MYO1D: variants seen among roughly 807,000 people sequenced by gnomAD.
The protein encoded by MYO1D is myosin ID, also known as unconventional myosin-Id.
A neutral mutation model predicts 122.0 loss-of-function variants in MYO1D; 83 were observed. That is an observed-to-expected ratio of 0.68 (90% CI 0.57 to 0.82). The LOEUF is 0.82. MYO1D is among the 40% of genes least tolerant of loss of function. The probability of loss-of-function intolerance (pLI) is 0.00; values close to 1 mark genes in which losing one functional copy is unlikely to be tolerated. For missense variants in MYO1D, 1,157 were observed against 1,269.5 expected (o/e 0.91, Z 1.35); for synonymous variants, 464 against 446.9 (o/e 1.04, Z -0.48).
chr17:32,812,011 T>C (rs1452315665), intron 1 of MYO1D, among the ~76,000 whole-genome samples: 1 of 152,206 alleles, frequency 6.6e-6, no homozygotes, highest in Non-Finnish European at 1.5e-5. Flanking sequence ...CACTTCTTGT[T>C]ATGGGAGAGA....
chr17:32,861,633 T>A lies in MYO1D; in HGVS notation c.95+15145A>T, dbSNP rs529310509. 6.0e-4 allele frequency among the ~76,000 whole-genome samples: 91 copies of A among 152,236 alleles called. 1 individual carries two copies. Among genetic ancestry groups the A allele is most frequent in the African/African-American group, 2.1e-3 (87 of 41,546 alleles). On this transcript the variant is annotated intron_variant, in intron 1 of 21. Coordinates refer to ENST00000318217, the MANE Select transcript of MYO1D (RefSeq NM_015194.3). The stretch of plus-strand genomic sequence containing the variant: ...AGTGTGGTCCCTGATGAGTGCTCCA[T>A]CTTCACCTGCCCCTACTTTGCCTGC...
chr17:32,695,149 G>A (rs936398502), intron 16 of MYO1D, among the ~76,000 whole-genome samples: 12 of 152,050 alleles, frequency 7.9e-5, no homozygotes, highest in South Asian at 4.1e-4. Flanking sequence ...TCCATGCACC[G>A]GCATGGTGGG....
At chr17:32,803,175 CTT>C (rs2090475023) in intron 1 of MYO1D, among the ~76,000 whole-genome samples, 1 of 152,222 alleles carries the variant, frequency 6.6e-6, no homozygotes, top group Admixed American at 6.5e-5. Context: ...GAGACAGAAT[CTT>C]ACTCTGTCGC....
chr17:32,751,605 A>T lies in MYO1D; in HGVS notation c.1468-2599T>A, dbSNP rs193252545. ...AATCAATGTACAAAAATAAATAAGC[A>T]TTTCTATACACGACTGATAACACTG... is the stretch of plus-strand genomic sequence containing the variant. On this transcript the variant is annotated intron_variant, in intron 11 of 21. Transcript: ENST00000318217. Among the ~76,000 whole-genome samples, 357 of 152,288 alleles carry T rather than the reference A, an allele frequency of 2.3e-3. 4 individuals carry two copies. The highest frequency in any genetic ancestry group is 7.3e-3 in the African/African-American group (305 of 41,570).
chr17:32,758,811 T>C (rs946936590), intron 10 of MYO1D, among the ~76,000 whole-genome samples: 1 of 152,204 alleles, frequency 6.6e-6, no homozygotes, highest in Admixed American at 6.5e-5. Context: ...TAAGTAACTG[T>C]TACCTTGGAG....
chr17:32,693,882 C>G (rs1397668145), intron 16 of MYO1D, among the ~76,000 whole-genome samples: 1 of 152,130 alleles, frequency 6.6e-6, no homozygotes, highest in Non-Finnish European at 1.5e-5. Flanking sequence ...AGAGTGGGGC[C>G]GGGTGTGAGG....
At position 32,635,894 on chromosome 17, in the gene MYO1D, G is replaced by A. The variant is rs572552451; in HGVS notation, c.2709+2828C>T. Among the ~76,000 whole-genome samples the A allele has an allele frequency of 1.8e-4, 28 of 152,154 alleles. No homozygotes were observed. The South Asian group carries it at 4.4e-3, about 24-fold the overall frequency. ...CTACTCTTATTTCTGAAAACTTTCC[G>A]ATTTGATTTTGAAACATGATGTTCC... On this transcript the variant is annotated intron_variant, in intron 20 of 21. Coordinates refer to ENST00000318217, the MANE Select transcript of MYO1D (RefSeq NM_015194.3).
At chr17:32,834,539 G>A (rs1248535490) in intron 1 of MYO1D, among the ~76,000 whole-genome samples, 3 of 152,248 alleles carry the variant, frequency 2.0e-5, no homozygotes, top group East Asian at 1.9e-4. Flanking sequence ...CCTGAGGAAC[G>A]TTCCAAATGC....
intron 21 of MYO1D, among the ~76,000 whole-genome samples, chr17:32,500,735 A>C (rs1356033984): frequency 1.3e-5 from 2 of 152,138 alleles, no homozygotes; most frequent in African/African-American, 4.8e-5. Flanking sequence ...GGCCAGGCGC[A>C]GTGGCTCACG....
At chr17:32,862,083 C>T (rs150781394) in intron 1 of MYO1D, among the ~76,000 whole-genome samples, 4 of 152,148 alleles carry the variant, frequency 2.6e-5, no homozygotes, top group African/African-American at 9.6e-5. Flanking sequence ...GATTGTTCCC[C>T]CGCTCCCCAC....
intron 20 of MYO1D, among the ~76,000 whole-genome samples, chr17:32,622,038 C>T (rs1161061960): frequency 2.0e-5 from 3 of 152,182 alleles, no homozygotes; most frequent in Non-Finnish European, 4.4e-5. Flanking sequence ...CTTGTTACAG[C>T]ACCCCATGCT....
rs118039764 is a variant in MYO1D, at chr17:32,876,987, G to C, written c.-115C>G. On this transcript the variant is annotated 5_prime_UTR_variant, in exon 1 of 22. Transcript: ENST00000318217. The stretch of plus-strand genomic sequence containing the variant: ...GCCGCGCCGCGAGGCTACGGGGAGG[G>C]GGCGCGCACGCCGCTCGGCGGGTCC... 0.33 allele frequency: 148,982 copies of C among 445,958 alleles called. 25,681 individuals are homozygous for C. The highest frequency in any genetic ancestry group is 0.41 in the Admixed American group (8,160 of 19,852). 27.6% of individuals were successfully genotyped at this position (445,958 alleles called of 1,614,324 possible).
At chr17:32,496,369 G>A (rs1470791651) in intron 21 of MYO1D, 1 of 152,248 alleles carries the variant, frequency 6.6e-6, no homozygotes, top group African/African-American at 2.4e-5. Flanking sequence ...AGAGACCCCG[G>A]TTGTCACTTG....
chr17:32,770,474 C>T (rs955448394), intron 6 of MYO1D, among the ~76,000 whole-genome samples: 25 of 151,882 alleles, frequency 1.6e-4, no homozygotes, highest in African/African-American at 4.6e-4. Flanking sequence ...TTCCCTCCTA[C>T]GAAATAGGAT....
intron 1 of MYO1D, among the ~76,000 whole-genome samples, chr17:32,836,846 C>T (rs2090829628): frequency 6.6e-6 from 1 of 152,108 alleles, no homozygotes; most frequent in Admixed American, 6.6e-5. Context: ...AATGAAGCTA[C>T]TCTTTTTACA....
chr17:32,871,081 G>C (rs1020325855), intron 1 of MYO1D, among the ~76,000 whole-genome samples: 1 of 152,196 alleles, frequency 6.6e-6, no homozygotes, highest in African/African-American at 2.4e-5. Context: ...GTAAGAGTAT[G>C]GCAGGCAGGG....
At chr17:32,562,323 A>G (rs1017712282) in intron 21 of MYO1D, among the ~76,000 whole-genome samples, 1 of 152,256 alleles carries the variant, frequency 6.6e-6, no homozygotes, top group Non-Finnish European at 1.5e-5. Context: ...TTTGACATCA[A>G]AAAGTTTGTA....
chr17:32,755,770 C>G lies in MYO1D; in HGVS notation c.1297-108G>C, dbSNP rs2089941552. ...AGTTCAGGTAAAACTACTTTGGTGT[C>G]AAATGTGTGAATAACATTAAAGAGG... On this transcript the variant is annotated intron_variant, in intron 10 of 21. Coordinates refer to ENST00000318217, the MANE Select transcript of MYO1D (RefSeq NM_015194.3). 3.4e-6 allele frequency: 3 copies of G among 880,486 alleles called. No individual in the cohort carries two copies. In the South Asian group the frequency reaches 5.5e-5, roughly 16 times the overall value. 54.5% of individuals were successfully genotyped at this position (880,486 alleles called of 1,614,324 possible).
At chr17:32,630,095 G>T (rs1269900771) in intron 20 of MYO1D, among the ~76,000 whole-genome samples, 2 of 152,174 alleles carry the variant, frequency 1.3e-5, no homozygotes, top group Non-Finnish European at 2.9e-5. Flanking sequence ...TTCATATAAA[G>T]ATGGTCACAT....
Sources: gnomAD v4.1 joint callset for allele counts (sites outside exome capture counted in the v4.1 genomes callset) on GRCh38, gnomAD v4.1.1 for gene constraint, MANE v1.5 for transcripts, NCBI Gene and HGNC (gene_info 2026-07-23, HGNC 2026-07-21) for gene names.